NKAIN2: variants seen among roughly 807,000 people sequenced by gnomAD.
NKAIN2 encodes the protein sodium/potassium-transporting ATPase subunit beta-1-interacting protein 2.
A neutral mutation model predicts 32.6 loss-of-function variants in NKAIN2; 14 were observed. The observed-to-expected ratio is 0.43, with a 90% confidence interval of 0.28 to 0.67. NKAIN2 has a LOEUF of 0.67. NKAIN2 is among the 30% of genes least tolerant of loss of function. The pLI is 0.17. For synonymous variants in NKAIN2, 80 were observed against 87.2 expected (o/e 0.92, Z 0.46); for missense variants, 198 against 258.3 (o/e 0.77, Z 1.60).
At chr6:124,398,234 CAGAG>C (rs10574616) in intron 3 of NKAIN2, among the ~76,000 whole-genome samples, 42,279 of 108,962 alleles carry the variant, frequency 0.39, 8,121 homozygotes, top group South Asian at 0.55. Context: ...GCCTGGGTGA[CAGAG>C]AGAGACTGCA....
At chr6:124,786,687 TA>T (rs527787994) in intron 4 of NKAIN2, among the ~76,000 whole-genome samples, 2,852 of 149,734 alleles carry the variant, frequency 0.019, 76 homozygotes, top group African/African-American at 0.063. Flanking sequence ...AAAAGATAAA[TA>T]AAAAAAAAAT....
intron 2 of NKAIN2, among the ~76,000 whole-genome samples, chr6:124,344,674 A>C (rs1463829124): frequency 6.6e-6 from 1 of 152,116 alleles, no homozygotes; most frequent in Non-Finnish European, 1.5e-5. Flanking sequence ...ATTTTTGCAC[A>C]TTTATTTTGT....
chr6:124,719,194 C>T (rs1775903123), intron 4 of NKAIN2, among the ~76,000 whole-genome samples: 1 of 152,096 alleles, frequency 6.6e-6, no homozygotes, highest in South Asian at 2.1e-4. Flanking sequence ...TGGTAAAAAT[C>T]CATTTCTATG....
At chr6:124,696,307 TTGCTTCTGAGGC>T (rs1170223587) in intron 4 of NKAIN2, among the ~76,000 whole-genome samples, 1 of 152,080 alleles carries the variant, frequency 6.6e-6, no homozygotes, top group East Asian at 1.9e-4. Flanking sequence ...GAGAGAGAGT[TTGCTTCTGAGGC>T]TGCTTCTGAG....
At chr6:124,479,244 A>G (rs1181433453) in intron 3 of NKAIN2, among the ~76,000 whole-genome samples, 4 of 152,162 alleles carry the variant, frequency 2.6e-5, no homozygotes, top group Non-Finnish European at 5.9e-5. Context: ...AGGAAATCTG[A>G]ATAAAATATG....
chr6:124,792,364 G>T (rs1282949169), intron 5 of NKAIN2, among the ~76,000 whole-genome samples: 2 of 152,076 alleles, frequency 1.3e-5, no homozygotes, highest in Non-Finnish European at 2.9e-5. Context: ...TAATGTAGAA[G>T]AGGCACTTTT....
intron 1 of NKAIN2, among the ~76,000 whole-genome samples, chr6:124,076,860 GTT>G (rs750183473): frequency 7.2e-5 from 11 of 152,130 alleles, no homozygotes; most frequent in Non-Finnish European, 1.5e-4. Context: ...GCTCATATAG[GTT>G]TTACAATCCC....
At chr6:124,723,706 G>T (rs144727431) in intron 4 of NKAIN2, among the ~76,000 whole-genome samples, 2 of 152,316 alleles carry the variant, frequency 1.3e-5, no homozygotes, top group African/African-American at 4.8e-5. Flanking sequence ...TAAGAAACAA[G>T]TTAAAAGGTG....
intron 4 of NKAIN2, among the ~76,000 whole-genome samples, chr6:124,690,481 G>C (rs1001384707): frequency 1.3e-5 from 2 of 152,042 alleles, no homozygotes; most frequent in Non-Finnish European, 2.9e-5. Flanking sequence ...ATGTTGAAAA[G>C]AAGTGTTGAA....
At chr6:124,547,653 A>T (rs1447699796) in intron 3 of NKAIN2, among the ~76,000 whole-genome samples, 2 of 152,216 alleles carry the variant, frequency 1.3e-5, no homozygotes, top group African/African-American at 4.8e-5. Flanking sequence ...CCCCAGTTTT[A>T]TACTATTTCT....
intron 1 of NKAIN2, among the ~76,000 whole-genome samples, chr6:123,927,318 A>T (rs535489841): frequency 1.3e-5 from 2 of 152,312 alleles, no homozygotes; most frequent in East Asian, 3.9e-4. Flanking sequence ...TTAATTTTTC[A>T]TATAAACATT....
At chr6:124,623,951 C>A (rs1045446413) in intron 3 of NKAIN2, among the ~76,000 whole-genome samples, 2 of 152,144 alleles carry the variant, frequency 1.3e-5, no homozygotes, top group African/African-American at 2.4e-5. Flanking sequence ...TGAAATAGAT[C>A]TTTTCCCTTT....
intron 1 of NKAIN2, among the ~76,000 whole-genome samples, chr6:123,849,583 A>G (rs1380206628): frequency 6.6e-6 from 1 of 152,050 alleles, no homozygotes; most frequent in Non-Finnish European, 1.5e-5. Context: ...GCACTTTCCT[A>G]TCTCTGTGGG....
chr6:124,544,592 G>C (rs868626919), intron 3 of NKAIN2, among the ~76,000 whole-genome samples: 6 of 151,890 alleles, frequency 4.0e-5, no homozygotes, highest in Non-Finnish European at 7.4e-5. Context: ...AAATGTCACA[G>C]AATAGCCTAG....
chr6:124,614,264 C>A (rs1430203929), intron 3 of NKAIN2, among the ~76,000 whole-genome samples: 4 of 152,002 alleles, frequency 2.6e-5, no homozygotes, highest in African/African-American at 9.7e-5. Context: ...CGTGGTGGCA[C>A]GTGCCTGTAA....
chr6:123,849,879 T>C (rs370469432), intron 1 of NKAIN2, among the ~76,000 whole-genome samples: 1 of 151,834 alleles, frequency 6.6e-6, no homozygotes, highest in South Asian at 2.1e-4. Context: ...TGAGTCAGTG[T>C]TTATTATTAT....
intron 3 of NKAIN2, among the ~76,000 whole-genome samples, chr6:124,394,377 G>A (rs1369123838): frequency 1.3e-5 from 2 of 151,592 alleles, no homozygotes; most frequent in East Asian, 1.9e-4. Context: ...GGATCAAAAA[G>A]AAAAAAGTAA....
At chr6:124,395,818 G>A (rs566302158) in intron 3 of NKAIN2, among the ~76,000 whole-genome samples, 1 of 152,212 alleles carries the variant, frequency 6.6e-6, no homozygotes, top group South Asian at 2.1e-4. Flanking sequence ...TAGGAAAATA[G>A]ATCTAGTATC....
intron 1 of NKAIN2, among the ~76,000 whole-genome samples, chr6:124,245,143 A>C (rs552067569): frequency 6.6e-6 from 1 of 151,976 alleles, no homozygotes; most frequent in Non-Finnish European, 1.5e-5. Flanking sequence ...CCCTAGTGAC[A>C]TTTTCCTATG....
Sources: gnomAD v4.1 joint callset for allele counts (sites outside exome capture counted in the v4.1 genomes callset) on GRCh38, gnomAD v4.1.1 for gene constraint, MANE v1.5 for transcripts, NCBI Gene and HGNC (gene_info 2026-07-23, HGNC 2026-07-21) for gene names.